The following MAMDC2 variants were observed in gnomAD, a reference collection of about 807,000 sequenced individuals.
The protein encoded by MAMDC2 is MAM domain containing 2.
MAMDC2 carries 57 observed loss-of-function variants against 89.8 expected under a neutral mutation model. The ratio of observed to expected loss-of-function variants is 0.63; its 90% CI spans 0.51 to 0.79. The LOEUF is 0.79. Among genes scored for constraint, MAMDC2 ranks in the 30% least tolerant of loss-of-function variants. The pLI is 0.00. For missense variants in MAMDC2, 800 were observed against 820.6 expected (o/e 0.97, Z 0.31); for synonymous variants, 313 against 293.4 (o/e 1.07, Z -0.68).
intron 11 of MAMDC2, among the ~76,000 whole-genome samples, chr9:70,191,886 A>C (rs1408925132): frequency 6.6e-6 from 1 of 152,082 alleles, no homozygotes; most frequent in Non-Finnish European, 1.5e-5. Flanking sequence ...TAATTTAAGA[A>C]TTTCACAAAT....
intron 11 of MAMDC2, among the ~76,000 whole-genome samples, chr9:70,192,799 C>G (rs2032907313): frequency 6.6e-6 from 1 of 152,004 alleles, no homozygotes; most frequent in African/African-American, 2.4e-5. Context: ...AGGTTGGGCT[C>G]AACTTTGAAT....
At chr9:70,080,810 G>T (rs1417899237) in intron 2 of MAMDC2, among the ~76,000 whole-genome samples, 1 of 152,132 alleles carries the variant, frequency 6.6e-6, no homozygotes, top group African/African-American at 2.4e-5. Context: ...TCCCCAAACA[G>T]GTCTAGTTCC....
chr9:70,099,712 C>T (rs1217767667), intron 2 of MAMDC2, among the ~76,000 whole-genome samples: 3 of 152,064 alleles, frequency 2.0e-5, no homozygotes, highest in Non-Finnish European at 2.9e-5. Flanking sequence ...CGGTGGTTCA[C>T]GCCTGTAATC....
chr9:70,204,472 G>A (rs2118642216), intron 11 of MAMDC2, among the ~76,000 whole-genome samples: 1 of 149,438 alleles, frequency 6.7e-6, no homozygotes, highest in South Asian at 2.2e-4. Context: ...TGTCAGACAG[G>A]GACATTTAAG....
At chr9:70,044,800 G>C (rs1826705942) in intron 2 of MAMDC2, 103 bp downstream of exon 2, 24 of 883,152 alleles carry the variant, frequency 2.7e-5, no homozygotes, top group Middle Eastern at 2.2e-4. Context: ...AATTCTCCGC[G>C]GCAAGAAAAG....
intron 9 of MAMDC2, among the ~76,000 whole-genome samples, chr9:70,165,656 G>A (rs979135669): frequency 1.1e-4 from 17 of 152,156 alleles, no homozygotes. Context: ...AATTCACGAA[G>A]TATTTGGAAT....
chr9:70,162,122 T>C (rs573646643), intron 9 of MAMDC2, among the ~76,000 whole-genome samples: 2 of 152,316 alleles, frequency 1.3e-5, no homozygotes, highest in Non-Finnish European at 2.9e-5. Flanking sequence ...GCCATTCAAT[T>C]GGTAAAGTAG....
intron 5 of MAMDC2, among the ~76,000 whole-genome samples, chr9:70,119,898 C>A (rs1010985070): frequency 2.0e-5 from 3 of 152,204 alleles, no homozygotes; most frequent in Non-Finnish European, 4.4e-5. Flanking sequence ...CTTCATACAG[C>A]ACATGGCCAA....
At chr9:70,209,374 G>C (rs1223664076) in intron 11 of MAMDC2, among the ~76,000 whole-genome samples, 2 of 152,108 alleles carry the variant, frequency 1.3e-5, no homozygotes, top group African/African-American at 4.8e-5. Flanking sequence ...CATATGTGTT[G>C]AGGAATTTAT....
At chr9:70,114,494 G>A (rs917832438) in intron 5 of MAMDC2, among the ~76,000 whole-genome samples, 1 of 151,886 alleles carries the variant, frequency 6.6e-6, no homozygotes, top group African/African-American at 2.4e-5. Flanking sequence ...TGCCGGTCAG[G>A]CCCTGTTGGC....
At chr9:70,188,914 A>G (rs780529091) in intron 11 of MAMDC2, among the ~76,000 whole-genome samples, 7 of 151,876 alleles carry the variant, frequency 4.6e-5, no homozygotes, top group Non-Finnish European at 1.0e-4. Flanking sequence ...CTCAATTAAT[A>G]ACTTGACTTA....
intron 11 of MAMDC2, among the ~76,000 whole-genome samples, chr9:70,175,490 A>G (rs993980359): frequency 8.6e-6 from 1 of 116,630 alleles, no homozygotes; most frequent in Non-Finnish European, 1.8e-5. Context: ...ATGCTAGCAT[A>G]TTGTTATAAT....
At chr9:70,111,087 T>A (rs925503605) in intron 4 of MAMDC2, among the ~76,000 whole-genome samples, 1 of 152,214 alleles carries the variant, frequency 6.6e-6, no homozygotes, top group Admixed American at 6.5e-5. Context: ...CAGGCTCTTT[T>A]CCTTGAGCCT....
chr9:70,062,260 T>TAC (rs71505376), intron 2 of MAMDC2, among the ~76,000 whole-genome samples: 16,522 of 150,058 alleles, frequency 0.11, 2,169 homozygotes, highest in African/African-American at 0.32. Flanking sequence ...ATGAGATGTA[T>TAC]ACACACACAC....
chr9:70,193,880 C>T (rs897525157), intron 11 of MAMDC2: 1 of 152,018 alleles, frequency 6.6e-6, no homozygotes, highest in Non-Finnish European at 1.5e-5. Flanking sequence ...ATACTTGAAA[C>T]AACATATACA....
chr9:70,216,070 C>A (rs2033440657), intron 11 of MAMDC2, among the ~76,000 whole-genome samples: 1 of 152,036 alleles, frequency 6.6e-6, no homozygotes, highest in Non-Finnish European at 1.5e-5. Flanking sequence ...ATAAAGAAAC[C>A]ATTTAATTTG....
At chr9:70,079,379 C>CATGACATTATA (rs1827605611) in intron 2 of MAMDC2, 1 of 152,152 alleles carries the variant, frequency 6.6e-6, no homozygotes, top group Admixed American at 6.5e-5. Context: ...GGAACAAATT[C>CATGACATTATA]ATGACATTAT....
rs1008605377 is a variant in MAMDC2 at position 70,146,914 on chromosome 9, AAC to A, written c.1404+3097_1404+3098del. On this transcript the variant is annotated intron_variant, in intron 9 of 13. Transcript: ENST00000377182. ...CACGCCACTGCACTCCAGCCTGGGCAACAGAGCAAGACTCCATCTAAAAATAA... is the reference window on the plus strand; with the variant it reads ...CACGCCACTGCACTCCAGCCTGGGCAAGAGCAAGACTCCATCTAAAAATAA... Among the ~76,000 whole-genome samples, 48 of 151,882 alleles carry A rather than the reference AAC, an allele frequency of 3.2e-4. 1 individual carries two copies. The highest frequency in any genetic ancestry group is 1.1e-3 in the African/African-American group (47 of 41,384).
intron 2 of MAMDC2, chr9:70,088,734 A>C (rs1023675524): frequency 1.3e-5 from 2 of 151,730 alleles, no homozygotes; most frequent in Non-Finnish European, 2.9e-5. Context: ...TAAATGCTAC[A>C]TTTTTCAAAG....
Sources: gnomAD v4.1 joint callset for allele counts (sites outside exome capture counted in the v4.1 genomes callset) on GRCh38, gnomAD v4.1.1 for gene constraint, MANE v1.5 for transcripts, NCBI Gene and HGNC (gene_info 2026-07-23, HGNC 2026-07-21) for gene names.